SERINC5: variants seen among roughly 807,000 people sequenced by gnomAD.
SERINC5 encodes serine incorporator 5.
Under a neutral mutation model 63.1 loss-of-function variants are expected in SERINC5, and 41 were observed. The ratio of observed to expected loss-of-function variants is 0.65; its 90% confidence interval spans 0.51 to 0.84. SERINC5 has a LOEUF of 0.84. Ranked by LOEUF, SERINC5 falls within the 40% of genes least tolerant of loss-of-function variation. The probability of loss-of-function intolerance (pLI) is 0.00; values close to 1 mark genes in which losing one functional copy is unlikely to be tolerated. For synonymous variants in SERINC5, 222 were observed against 215.2 expected, an observed-to-expected ratio of 1.03 and a Z score of -0.28; for missense variants, 523 against 573.0, an observed-to-expected ratio of 0.91 and a Z score of 0.89.
At chr5:80,244,468 G>GC (rs1219615948) in intron 1 of SERINC5, among the ~76,000 whole-genome samples, 1 of 151,818 alleles carries the variant, frequency 6.6e-6, no homozygotes, top group Non-Finnish European at 1.5e-5. Flanking sequence ...CGCTGCCTCA[G>GC]CCCCCCAAAG....
chr5:80,142,112 T>C lies in SERINC5; in HGVS notation c.*1551A>G, dbSNP rs1409864988. On this transcript the variant is annotated 3_prime_UTR_variant, in exon 12 of 12. Coordinates refer to ENST00000507668, the MANE Select transcript of SERINC5 (RefSeq NM_001174072.3). Reference sequence around the variant, plus strand: ...GAGCCTTTTATTCTTAGATCCTCACTTACAGAGAGCTCGAGAAGATTCTTT... The same window carrying C: ...GAGCCTTTTATTCTTAGATCCTCACCTACAGAGAGCTCGAGAAGATTCTTT... 2 of 985,316 alleles carry C rather than the reference T, an allele frequency of 2.0e-6. No homozygotes were observed. The highest frequency in any genetic ancestry group is 2.4e-6 in the Non-Finnish European group (2 of 829,946). 61.0% of individuals were successfully genotyped at this position (985,316 alleles called of 1,614,324 possible). A position where few individuals can be genotyped will look rare whatever the true frequency, so the allele number is the denominator to read the frequency against.
intron 3 of SERINC5, 130 bp downstream of exon 3, chr5:80,177,756 C>T (rs1383698067): frequency 4.0e-6 from 3 of 743,058 alleles, no homozygotes; most frequent in Non-Finnish European, 4.3e-6. Context: ...TCAATTCCAC[C>T]TTCCCCTAAA....
chr5:80,189,593 G>A (rs758019982), intron 2 of SERINC5, among the ~76,000 whole-genome samples: 1 of 152,228 alleles, frequency 6.6e-6, no homozygotes, highest in Non-Finnish European at 1.5e-5. Context: ...ACATAGAAAT[G>A]TGAAATTTCT....
chr5:80,138,208 T>C (rs1475767588), downstream of SERINC5, among the ~76,000 whole-genome samples: 2 of 151,962 alleles, frequency 1.3e-5, no homozygotes, highest in East Asian at 3.9e-4. Context: ...CAGGGTGATG[T>C]TGGTCAAAGA....
intron 11 of SERINC5, among the ~76,000 whole-genome samples, chr5:80,145,022 A>G (rs1745726807): frequency 6.6e-6 from 1 of 151,972 alleles, no homozygotes; most frequent in Non-Finnish European, 1.5e-5. Flanking sequence ...CTCCAGGGGA[A>G]AACATGTATA....
At position 80,129,815 on chromosome 5, in the gene SERINC5, G is replaced by A. The variant is rs144813684; in HGVS notation, c.1239-16190C>T. 4.4e-3 allele frequency among the ~76,000 whole-genome samples: 667 copies of A among 152,156 alleles called. 5 individuals carry two copies. The highest frequency in any genetic ancestry group is 6.8e-3 in the Middle Eastern group (2 of 294). ...AGTTGAAACTATTATTAACTCCTTA[G>A]GGAAATTCCTTAAATTGGAATTGCG... On this transcript the variant is annotated intron_variant, in intron 11 of 12. Coordinates refer to the SERINC5 transcript ENST00000509193.
chr5:80,151,564 T>C (rs1249735767), intron 8 of SERINC5, among the ~76,000 whole-genome samples: 1 of 148,952 alleles, frequency 6.7e-6, no homozygotes, highest in Non-Finnish European at 1.5e-5. Context: ...CTCATGCCTG[T>C]AATACTCTGA....
rs537452215 is a variant in SERINC5 at position 80,225,478 on chromosome 5, G to A, written c.28-22425C>T. Among the ~76,000 whole-genome samples the A allele has an allele frequency of 3.9e-5, 6 of 152,256 alleles. No homozygotes were observed. In the East Asian group the frequency reaches 1.2e-3, roughly 29 times the overall value. On this transcript the variant is annotated intron_variant, in intron 1 of 11. Transcript: ENST00000507668. ...TCTATCTTTATAACCATTCCACAAG[G>A]CAGGCAGGGAGAGTAGCATCATTCC...
chr5:80,174,041 G>C (rs756902140), intron 5 of SERINC5, among the ~76,000 whole-genome samples: 59 of 152,158 alleles, frequency 3.9e-4, no homozygotes, highest in Middle Eastern at 3.4e-3. Context: ...GGTCAGAGGG[G>C]CCGACTGATG....
At chr5:80,254,172 C>T (rs1178334230) in intron 1 of SERINC5, among the ~76,000 whole-genome samples, 1 of 152,218 alleles carries the variant, frequency 6.6e-6, no homozygotes, top group Non-Finnish European at 1.5e-5. Flanking sequence ...GATCCGCCCG[C>T]CTCTGCCTCC....
At chr5:80,150,106 G>A (rs368645904) in intron 9 of SERINC5, among the ~76,000 whole-genome samples, 2 of 152,190 alleles carry the variant, frequency 1.3e-5, no homozygotes, top group East Asian at 1.9e-4. Flanking sequence ...GTTCAACAGC[G>A]TCAGGCAGAG....
At chr5:80,166,859 G>C (rs1747334470) in intron 6 of SERINC5, 1 of 201,074 alleles carries the variant, frequency 5.0e-6, no homozygotes, top group African/African-American at 2.4e-5. Flanking sequence ...CTTAATTGGG[G>C]AGGGGAGTAA....
intron 1 of SERINC5, among the ~76,000 whole-genome samples, chr5:80,207,900 T>C (rs146282871): frequency 1.3e-5 from 2 of 152,290 alleles, no homozygotes; most frequent in Admixed American, 6.5e-5. Flanking sequence ...TCTAGGGAAA[T>C]CTCACAGCCC....
intron 1 of SERINC5, among the ~76,000 whole-genome samples, chr5:80,236,489 C>T (rs1022300874): frequency 6.6e-6 from 1 of 152,008 alleles, no homozygotes; most frequent in African/African-American, 2.4e-5. Flanking sequence ...TTGTCCTTTT[C>T]CTCCCATCAA....
At chr5:80,249,201 G>A (rs1561455753) in intron 1 of SERINC5, among the ~76,000 whole-genome samples, 1 of 152,092 alleles carries the variant, frequency 6.6e-6, no homozygotes, top group Non-Finnish European at 1.5e-5. Context: ...TGTAGTCCCA[G>A]CTACTCGGGA....
At chr5:80,185,516 C>T (rs1228625328) in intron 2 of SERINC5, among the ~76,000 whole-genome samples, 1 of 108,340 alleles carries the variant, frequency 9.2e-6, no homozygotes, top group African/African-American at 3.8e-5. Flanking sequence ...CATGCGCGTC[C>T]GTGTGAAGGG....
intron 11 of SERINC5, among the ~76,000 whole-genome samples, chr5:80,124,452 C>T (rs1744664368): frequency 6.6e-6 from 1 of 152,126 alleles, no homozygotes; most frequent in South Asian, 2.1e-4. Context: ...CTATAGTAGG[C>T]TTTGTTTGTT....
chr5:80,232,340 C>G (rs1048663343), intron 1 of SERINC5, among the ~76,000 whole-genome samples: 2 of 150,730 alleles, frequency 1.3e-5, no homozygotes, highest in Non-Finnish European at 3.0e-5. Flanking sequence ...GGATGTGGAG[C>G]TTGCAGTGAG....
intron 1 of SERINC5, among the ~76,000 whole-genome samples, chr5:80,206,811 CTT>C (rs35026792): frequency 1.2e-4 from 14 of 117,754 alleles, no homozygotes; most frequent in Admixed American, 2.0e-4. Flanking sequence ...TCACTGATTG[CTT>C]TTTTTTTTTT....
Sources: gnomAD v4.1 joint callset for allele counts (sites outside exome capture counted in the v4.1 genomes callset) on GRCh38, gnomAD v4.1.1 for gene constraint, MANE v1.5 for transcripts, NCBI Gene and HGNC (gene_info 2026-07-23, HGNC 2026-07-21) for gene names.